Variants in MAD1L1 observed in about 807,000 individuals in gnomAD.
The protein encoded by MAD1L1 is mitotic spindle assembly checkpoint protein MAD1.
MAD1L1 carries 95 observed loss-of-function variants against 96.9 expected under a neutral mutation model. That is an observed-to-expected ratio of 0.98 (90% CI 0.83 to 1.16). The LOEUF (loss-of-function observed/expected upper bound fraction) is 1.16. Among genes scored for constraint, MAD1L1 ranks in the 50% most tolerant of loss-of-function variants. The pLI is 0.00. For synonymous variants in MAD1L1, 473 were observed against 396.6 expected (o/e 1.19, Z -2.29); for missense variants, 1,007 against 954.4 (o/e 1.06, Z -0.73).
At chr7:1,897,754 C>T (rs951162841) in intron 18 of MAD1L1, among the ~76,000 whole-genome samples, 4 of 152,242 alleles carry the variant, frequency 2.6e-5, no homozygotes, top group African/African-American at 9.6e-5. Context: ...AGTCTGTCTA[C>T]CTTGCCCTGT....
At chr7:1,931,344 AG>A (rs1226259661) in intron 17 of MAD1L1, among the ~76,000 whole-genome samples, 1 of 152,200 alleles carries the variant, frequency 6.6e-6, no homozygotes, top group African/African-American at 2.4e-5. Context: ...GAGAATGGGG[AG>A]GGGACAGCCC....
intron 18 of MAD1L1, chr7:1,847,849 C>T (rs1232750136): frequency 1.3e-5 from 5 of 388,398 alleles, no homozygotes; most frequent in Non-Finnish European, 2.6e-5. Context: ...AAGTGAGGCT[C>T]CCACGTGCTG....
intron 17 of MAD1L1, among the ~76,000 whole-genome samples, chr7:1,922,165 T>C (rs777624231): frequency 2.3e-4 from 35 of 152,208 alleles, no homozygotes; most frequent in Admixed American, 1.8e-3. Context: ...CCAGAACCAC[T>C]AGCATCACCA....
At chr7:2,100,288 G>A (rs968518617) in intron 11 of MAD1L1, among the ~76,000 whole-genome samples, 4 of 152,180 alleles carry the variant, frequency 2.6e-5, no homozygotes, top group African/African-American at 7.2e-5. Flanking sequence ...CTAGATCTCC[G>A]CGTTCTCCTT....
chr7:1,855,322 C>T (rs1249311883), intron 18 of MAD1L1, among the ~76,000 whole-genome samples: 1 of 151,998 alleles, frequency 6.6e-6, no homozygotes, highest in South Asian at 2.1e-4. Context: ...GGGTTGCTCT[C>T]GTTTTCTCCA....
At chr7:2,071,884 G>C in intron 11 of MAD1L1, among the ~76,000 whole-genome samples, 1 of 152,214 alleles carries the variant, frequency 6.6e-6, no homozygotes, top group Admixed American at 6.5e-5. Context: ...AACTGGGAGA[G>C]CTCCCACTGT....
rs1769914315 is a variant in MAD1L1, at chr7:2,069,200, G to A, written c.1212C>T (p.Leu404=). The A allele has an allele frequency of 1.3e-6, 2 of 1,595,364 alleles. No homozygotes were observed. The highest frequency in any genetic ancestry group is 1.7e-6 in the Non-Finnish European group (2 of 1,171,646). The change falls in exon 12 of 19, where the codon CTC becomes CTT. Residue 404 remains leucine, a synonymous_variant. Coordinates refer to ENST00000265854, the MANE Select transcript of MAD1L1 (RefSeq NM_001013836.2). ...ATGTAAGGGCATACATCACCTTGGT[G>A]AGCAGCAGGACCCGTTTCTGGAGCC... is the stretch of plus-strand genomic sequence containing the variant. ...ARRLQKRVLL[L]TKERDGMRAI... is the part of the protein sequence containing the mutation.
chr7:1,887,452 T>C (rs1038527492), intron 18 of MAD1L1, among the ~76,000 whole-genome samples: 3 of 151,292 alleles, frequency 2.0e-5, no homozygotes, highest in African/African-American at 4.9e-5. Flanking sequence ...CCTCTGTGTG[T>C]GCGTGCACAT....
At chr7:1,835,026 T>C (rs193213016) in intron 18 of MAD1L1, among the ~76,000 whole-genome samples, 1 of 152,100 alleles carries the variant, frequency 6.6e-6, no homozygotes, top group East Asian at 1.9e-4. Context: ...ATCAAAGTAA[T>C]TCCACATATT....
At chr7:1,821,247 A>C (rs761696788) in intron 18 of MAD1L1, among the ~76,000 whole-genome samples, 14 of 152,102 alleles carry the variant, frequency 9.2e-5, no homozygotes, top group Non-Finnish European at 1.8e-4. Flanking sequence ...ATACTACCAA[A>C]ACGTGCCAAG....
At chr7:1,855,346 C>T (rs574627833) in intron 18 of MAD1L1, among the ~76,000 whole-genome samples, 2 of 151,966 alleles carry the variant, frequency 1.3e-5, no homozygotes, top group East Asian at 1.9e-4. Flanking sequence ...GCGATGACAG[C>T]GACAAGCTGA....
chr7:2,120,526 G>A (rs1462722939), intron 11 of MAD1L1, among the ~76,000 whole-genome samples: 1 of 152,194 alleles, frequency 6.6e-6, no homozygotes, highest in Non-Finnish European at 1.5e-5. Context: ...GAACCAAGCG[G>A]AAGCCCCACA....
chr7:2,202,888 C>T (rs186679972), intron 10 of MAD1L1, among the ~76,000 whole-genome samples: 2 of 152,366 alleles, frequency 1.3e-5, no homozygotes, highest in African/African-American at 4.8e-5. Flanking sequence ...GGCCCTGAGA[C>T]TTGTCATCTG....
chr7:2,232,768 A>G (rs1323185421), intron 1 of MAD1L1, 104 bp downstream of exon 1: 1 of 151,422 alleles, frequency 6.6e-6, no homozygotes, highest in Non-Finnish European at 1.5e-5. Context: ...GTTGTGCCCC[A>G]CCCTGGCGAG....
intron 11 of MAD1L1, among the ~76,000 whole-genome samples, chr7:2,130,717 C>T (rs1394234987): frequency 6.6e-6 from 1 of 152,236 alleles, no homozygotes; most frequent in Admixed American, 6.5e-5. Context: ...CCGTAAATAA[C>T]TAGGAGAGAC....
chr7:2,002,007 C>G, intron 14 of MAD1L1, 58 bp downstream of exon 14: 1 of 1,586,872 alleles, frequency 6.3e-7, no homozygotes, highest in Non-Finnish European at 8.6e-7. Context: ...ACAGGCGTCC[C>G]TGCCCAGACC....
chr7:1,935,400 C>T (rs73050180), intron 17 of MAD1L1, among the ~76,000 whole-genome samples: 3 of 152,210 alleles, frequency 2.0e-5, no homozygotes, highest in East Asian at 3.9e-4. Context: ...ACAGGCCCCC[C>T]CTTCTGGCTT....
intron 11 of MAD1L1, among the ~76,000 whole-genome samples, chr7:2,098,801 G>A (rs986232051): frequency 6.6e-6 from 1 of 152,190 alleles, no homozygotes; most frequent in Admixed American, 6.5e-5. Flanking sequence ...CAGGCATCAC[G>A]CACCAAGGCC....
chr7:1,906,764 A>C (rs985403963), intron 17 of MAD1L1, among the ~76,000 whole-genome samples: 34 of 152,234 alleles, frequency 2.2e-4, no homozygotes, highest in Non-Finnish European at 1.2e-4. Context: ...TTGAACACGC[A>C]GGTGAGCGAA....
Sources: gnomAD v4.1 joint callset for allele counts (sites outside exome capture counted in the v4.1 genomes callset) on GRCh38, gnomAD v4.1.1 for gene constraint, MANE v1.5 for transcripts, NCBI Gene and HGNC (gene_info 2026-07-23, HGNC 2026-07-21) for gene names.